The following PLXDC2 variants were observed in gnomAD, a reference collection of about 807,000 sequenced individuals.
The protein encoded by PLXDC2 is plexin domain-containing protein 2.
Under a neutral mutation model 68.9 loss-of-function variants are expected in PLXDC2, and 40 were observed. The ratio of observed to expected loss-of-function variants is 0.58; its 90% CI spans 0.45 to 0.76. The LOEUF (loss-of-function observed/expected upper bound fraction) is 0.76. Among genes scored for constraint, PLXDC2 ranks in the 30% least tolerant of loss-of-function variants. The pLI, the probability that PLXDC2 is intolerant of heterozygous loss-of-function variation, is 0.00. For missense variants in PLXDC2, 644 were observed against 661.9 expected (o/e 0.97, Z 0.30); for synonymous variants, 243 against 234.2 (o/e 1.04, Z -0.34).
At chr10:19,994,031 T>C (rs911845895) in intron 1 of PLXDC2, among the ~76,000 whole-genome samples, 1 of 152,172 alleles carries the variant, frequency 6.6e-6, no homozygotes, top group Non-Finnish European at 1.5e-5. Context: ...TTGTTCTTTT[T>C]TTCATCTAGT....
At chr10:19,998,388 G>C (rs1249496583) in intron 1 of PLXDC2, among the ~76,000 whole-genome samples, 1 of 152,068 alleles carries the variant, frequency 6.6e-6, no homozygotes, top group Non-Finnish European at 1.5e-5. Flanking sequence ...TTAGAAGTGG[G>C]ATCAAAATCT....
At chr10:20,061,413 A>G (rs1836100679) in intron 3 of PLXDC2, among the ~76,000 whole-genome samples, 2 of 152,118 alleles carry the variant, frequency 1.3e-5, no homozygotes, top group African/African-American at 4.8e-5. Flanking sequence ...TTTTGGCAAT[A>G]CTACAATGGG....
At chr10:20,165,533 GT>G (rs1490938369) in intron 7 of PLXDC2, among the ~76,000 whole-genome samples, 2 of 151,898 alleles carry the variant, frequency 1.3e-5, no homozygotes, top group Admixed American at 1.3e-4. Flanking sequence ...GCGGTGTTTG[GT>G]TTTTTGTTCT....
chr10:20,103,680 C>T (rs1408598261), intron 4 of PLXDC2, among the ~76,000 whole-genome samples: 1 of 140,268 alleles, frequency 7.1e-6, no homozygotes, highest in Non-Finnish European at 1.5e-5. Flanking sequence ...GTATCGTTGT[C>T]TCCCATGCTG....
At chr10:20,176,635 G>A (rs1834530551) in intron 7 of PLXDC2, among the ~76,000 whole-genome samples, 1 of 151,956 alleles carries the variant, frequency 6.6e-6, no homozygotes, top group Non-Finnish European at 1.5e-5. Flanking sequence ...AAACACTTTA[G>A]CTTTAGTATG....
intron 1 of PLXDC2, among the ~76,000 whole-genome samples, chr10:19,933,336 T>A (rs1273681020): frequency 6.6e-6 from 1 of 152,164 alleles, no homozygotes; most frequent in Non-Finnish European, 1.5e-5. Context: ...AAATCACCAA[T>A]TAGAGCAGTT....
At chr10:19,903,062 G>A (rs1162149841) in intron 1 of PLXDC2, among the ~76,000 whole-genome samples, 1 of 152,094 alleles carries the variant, frequency 6.6e-6, no homozygotes, top group Non-Finnish European at 1.5e-5. Flanking sequence ...GATATGCTGT[G>A]GGATTGAGTT....
intron 2 of PLXDC2, among the ~76,000 whole-genome samples, chr10:20,040,943 A>G (rs1045872638): frequency 6.6e-5 from 10 of 152,192 alleles, no homozygotes; most frequent in African/African-American, 2.4e-4. Context: ...TTTATCTGTC[A>G]GTTGCCTGCT....
chr10:20,253,742 A>C (rs180792642), intron 13 of PLXDC2, among the ~76,000 whole-genome samples: 10 of 152,312 alleles, frequency 6.6e-5, no homozygotes, highest in Admixed American at 2.0e-4. Flanking sequence ...TTATCTTAAA[A>C]ATTTATATGA....
intron 1 of PLXDC2, among the ~76,000 whole-genome samples, chr10:19,981,637 C>T (rs536978964): frequency 1.3e-5 from 2 of 152,212 alleles, no homozygotes; most frequent in Admixed American, 6.5e-5. Flanking sequence ...TGGAGTTTCA[C>T]GGAATGATTG....
Position 20,280,289 on chromosome 10 carries a change from T to C in PLXDC2, c.*470T>C, listed in dbSNP as rs1836065259. ...AGAGCAATGATGAATGTCTCAAGAT[T>C]GCTAAGAAAAACAGCCCATGCAAGA... is the stretch of plus-strand genomic sequence containing the variant. On this transcript the variant is annotated 3_prime_UTR_variant, in exon 14 of 14. Coordinates refer to ENST00000377252, the MANE Select transcript of PLXDC2 (RefSeq NM_032812.9). The C allele has an allele frequency of 6.5e-6, 1 of 153,400 alleles. No homozygotes were observed. The highest frequency in any genetic ancestry group is 1.5e-5 in the Non-Finnish European group (1 of 68,666). 9.5% of individuals were successfully genotyped at this position (153,400 alleles called of 1,614,324 possible).
At chr10:20,134,126 A>C (rs1833903408) in intron 4 of PLXDC2, among the ~76,000 whole-genome samples, 1 of 151,892 alleles carries the variant, frequency 6.6e-6, no homozygotes, top group Non-Finnish European at 1.5e-5. Context: ...TCCTGATATC[A>C]GTTAGTTTTG....
At position 20,285,551 on chromosome 10, in the gene PLXDC2, GCAT is replaced by G. The variant is rs1836142294; in HGVS notation, c.*5733_*5735del. 1 of 152,110 alleles carries G rather than the reference GCAT, an allele frequency of 6.6e-6. No individual in the cohort carries two copies. The highest frequency in any genetic ancestry group is 1.5e-5 in the Non-Finnish European group (1 of 68,010). 9.4% of individuals were successfully genotyped at this position (152,110 alleles called of 1,614,324 possible). A position where few individuals can be genotyped will look rare whatever the true frequency, so the allele number is the denominator to read the frequency against. ...TGTGTCTGAAACATAATATATCACT[GCAT>G]GTCTGTGCTGTAGACCTGTTAATTT... On this transcript the variant is annotated 3_prime_UTR_variant, in exon 14 of 14. Transcript: ENST00000377252.
chr10:20,044,247 T>TTCTTTCTTTCTTTC (rs1835752223), intron 2 of PLXDC2, among the ~76,000 whole-genome samples: 5 of 121,512 alleles, frequency 4.1e-5, no homozygotes, highest in Admixed American at 8.6e-5. Flanking sequence ...CTTTCTTTCT[T>TTCTTTCTTTCTTTC]TCTTTCTTTC....
chr10:19,901,573 A>G (rs990870137), intron 1 of PLXDC2, among the ~76,000 whole-genome samples: 7 of 152,292 alleles, frequency 4.6e-5, no homozygotes, highest in African/African-American at 1.4e-4. Flanking sequence ...GATTCTGGAT[A>G]TTAATCCTTT....
chr10:19,934,125 T>C (rs1297009728), intron 1 of PLXDC2, among the ~76,000 whole-genome samples: 4 of 152,230 alleles, frequency 2.6e-5, no homozygotes, highest in Admixed American at 1.3e-4. Flanking sequence ...ACCACTTCAT[T>C]ACCTTATACA....
chr10:20,254,743 A>G (rs1835720713), intron 13 of PLXDC2, among the ~76,000 whole-genome samples: 1 of 152,186 alleles, frequency 6.6e-6, no homozygotes, highest in South Asian at 2.1e-4. Context: ...AGTGAAATGC[A>G]GAGAAAAATA....
At chr10:19,912,026 A>G (rs1197723504) in intron 1 of PLXDC2, among the ~76,000 whole-genome samples, 4 of 152,058 alleles carry the variant, frequency 2.6e-5, no homozygotes, top group Non-Finnish European at 5.9e-5. Flanking sequence ...TACTTGTGCC[A>G]TTTTCTTTCG....
intron 1 of PLXDC2, among the ~76,000 whole-genome samples, chr10:19,880,231 A>C (rs1837703240): frequency 6.6e-6 from 1 of 152,210 alleles, no homozygotes. Context: ...CAAAAACCCT[A>C]TTATACTTTT....
Sources: allele counts gnomAD v4.1 joint callset (sites outside exome capture counted in the v4.1 genomes callset), GRCh38; gene constraint gnomAD v4.1.1; transcripts MANE v1.5; gene names NCBI Gene and HGNC (gene_info 2026-07-23, HGNC 2026-07-21).